Variants in ZNF423 observed in about 807,000 individuals in gnomAD.
ZNF423 encodes the protein zinc finger protein 423, also known as Ebf-associated zinc finger protein.
Under a neutral mutation model 95.8 loss-of-function variants are expected in ZNF423, and 12 were observed. The observed-to-expected ratio is 0.13, with a 90% CI of 0.08 to 0.20. ZNF423 has a LOEUF of 0.20. Among genes scored for constraint, ZNF423 ranks in the 10% least tolerant of loss-of-function variants. The pLI, the probability that ZNF423 is intolerant of heterozygous loss-of-function variation, is 1.00. For synonymous variants in ZNF423, 749 were observed against 711.9 expected (o/e 1.05, Z -0.83); for missense variants, 1,316 against 1,737.1 (o/e 0.76, Z 4.31).
At chr16:49,760,810 C>T (rs367757585) in intron 2 of ZNF423, among the ~76,000 whole-genome samples, 3 of 151,710 alleles carry the variant, frequency 2.0e-5, no homozygotes, top group African/African-American at 4.8e-5. Flanking sequence ...GGTTGGGGTC[C>T]CCTCCACCCC....
chr16:49,818,055 C>A (rs1371781132), intron 1 of ZNF423, among the ~76,000 whole-genome samples: 1 of 152,120 alleles, frequency 6.6e-6, no homozygotes, highest in Non-Finnish European at 1.5e-5. Context: ...CCATCCAGTG[C>A]CAGGCCTGCC....
chr16:49,797,908 T>G (rs2034523861), intron 1 of ZNF423, among the ~76,000 whole-genome samples: 1 of 140,044 alleles, frequency 7.1e-6, no homozygotes, highest in East Asian at 2.1e-4. Context: ...GGTCTAGTAT[T>G]TAAAGAAACC....
chr16:49,847,304 G>A (rs1217468181), intron 1 of ZNF423: 4 of 152,178 alleles, frequency 2.6e-5, no homozygotes, highest in African/African-American at 9.7e-5. Context: ...AGACAAACTG[G>A]CCTAAGTGTG....
intron 5 of ZNF423, among the ~76,000 whole-genome samples, chr16:49,613,859 T>G (rs1187485278): frequency 2.0e-5 from 3 of 150,794 alleles, no homozygotes; most frequent in Admixed American, 6.6e-5. Flanking sequence ...AAATGGACCA[T>G]GGCCTAAAAT....
At chr16:49,793,688 G>A (rs1263736084) in intron 1 of ZNF423, among the ~76,000 whole-genome samples, 2 of 152,176 alleles carry the variant, frequency 1.3e-5, no homozygotes, top group African/African-American at 4.8e-5. Flanking sequence ...GCAAGTGTGT[G>A]CACACAGAGA....
At chr16:49,585,310 C>T (rs1970794411) in intron 5 of ZNF423, among the ~76,000 whole-genome samples, 1 of 152,172 alleles carries the variant, frequency 6.6e-6, no homozygotes, top group Non-Finnish European at 1.5e-5. Context: ...GGCACTGACT[C>T]GGCCTCTCAG....
intron 2 of ZNF423, among the ~76,000 whole-genome samples, chr16:49,767,849 T>A (rs1253247584): frequency 6.6e-6 from 1 of 152,174 alleles, no homozygotes; most frequent in East Asian, 1.9e-4. Context: ...GGCCTTTGTA[T>A]TTTATTGCTA....
chr16:49,804,666 T>C (rs1341828255), intron 1 of ZNF423, among the ~76,000 whole-genome samples: 2 of 152,108 alleles, frequency 1.3e-5, no homozygotes, highest in Non-Finnish European at 2.9e-5. Flanking sequence ...TGGACTGAAG[T>C]TAGTTCTCAC....
intron 3 of ZNF423, among the ~76,000 whole-genome samples, chr16:49,676,478 A>G (rs1447591571): frequency 6.6e-6 from 1 of 152,118 alleles, no homozygotes; most frequent in African/African-American, 2.4e-5. Context: ...AATCAGACAC[A>G]TGGCCTTCAC....
intron 5 of ZNF423, among the ~76,000 whole-genome samples, chr16:49,538,407 C>G (rs1395049611): frequency 6.6e-6 from 1 of 152,208 alleles, no homozygotes; most frequent in Non-Finnish European, 1.5e-5. Flanking sequence ...GCACATGCGA[C>G]AGACACCTGG....
At chr16:49,741,961 G>A (rs905995573) in intron 2 of ZNF423, among the ~76,000 whole-genome samples, 1 of 152,184 alleles carries the variant, frequency 6.6e-6, no homozygotes, top group Admixed American at 6.5e-5. Flanking sequence ...CCCACCAGGC[G>A]CTGGTCAGCA....
At chr16:49,597,467 T>C (rs542874872) in intron 5 of ZNF423, among the ~76,000 whole-genome samples, 68 of 152,380 alleles carry the variant, frequency 4.5e-4, no homozygotes, top group Non-Finnish European at 8.1e-4. Context: ...ACCATCATAA[T>C]ATTTTGGATA....
At chr16:49,518,986 C>T (rs1360960249) in intron 7 of ZNF423, among the ~76,000 whole-genome samples, 1 of 152,188 alleles carries the variant, frequency 6.6e-6, no homozygotes. Context: ...ATGACATGAG[C>T]CCCGGAGGTT....
At chr16:49,594,603 A>C (rs926836432) in intron 5 of ZNF423, among the ~76,000 whole-genome samples, 1 of 152,222 alleles carries the variant, frequency 6.6e-6, no homozygotes, top group Admixed American at 6.5e-5. Context: ...AGCATTAAAC[A>C]CATAAGACCA....
chr16:49,560,508 A>G (rs11647781), intron 5 of ZNF423, among the ~76,000 whole-genome samples: 40,959 of 152,028 alleles, frequency 0.27, 5,795 homozygotes, highest in East Asian at 0.43. Context: ...CTCTCGCAGC[A>G]TGATGAAGGT....
At chr16:49,600,832 C>A (rs890916196) in intron 5 of ZNF423, among the ~76,000 whole-genome samples, 2 of 152,164 alleles carry the variant, frequency 1.3e-5, no homozygotes, top group Non-Finnish European at 2.9e-5. Flanking sequence ...TACCACATTG[C>A]CGAAATAAAT....
chr16:49,847,847 GC>G (rs1193040035), intron 1 of ZNF423, among the ~76,000 whole-genome samples: 2 of 152,162 alleles, frequency 1.3e-5, no homozygotes, highest in African/African-American at 4.8e-5. Context: ...GATGGGCCAT[GC>G]AAGGTGCCTC....
intron 1 of ZNF423, among the ~76,000 whole-genome samples, chr16:49,835,648 A>C (rs1371056390): frequency 3.9e-5 from 6 of 151,938 alleles, no homozygotes; most frequent in Non-Finnish European, 7.4e-5. Flanking sequence ...GGCATGGCCC[A>C]AAAAAAAGGG....
chr16:49,815,527 G>C (rs941612593), intron 1 of ZNF423, among the ~76,000 whole-genome samples: 2 of 152,114 alleles, frequency 1.3e-5, no homozygotes, highest in African/African-American at 4.8e-5. Context: ...TATGACGGGT[G>C]CCAAGTCACA....
Sources: gnomAD v4.1 joint callset for allele counts (sites outside exome capture counted in the v4.1 genomes callset) on GRCh38, gnomAD v4.1.1 for gene constraint, MANE v1.5 for transcripts, NCBI Gene and HGNC (gene_info 2026-07-23, HGNC 2026-07-21) for gene names.